Variants in AFF4 observed in about 807,000 individuals in gnomAD.
AFF4 encodes the protein ALF transcription elongation factor 4.
A neutral mutation model predicts 124.8 loss-of-function variants in AFF4; 13 were observed. That is an observed-to-expected ratio of 0.10 (90% CI 0.07 to 0.17). The LOEUF (loss-of-function observed/expected upper bound fraction) is 0.17. AFF4 is among the 10% of genes least tolerant of loss of function. The pLI is 1.00. For synonymous variants in AFF4, 477 were observed against 496.1 expected (o/e 0.96, Z 0.51); for missense variants, 1,092 against 1,403.8 (o/e 0.78, Z 3.55).
At chr5:132,955,508 G>C (rs926883416) in intron 1 of AFF4, among the ~76,000 whole-genome samples, 3 of 152,108 alleles carry the variant, frequency 2.0e-5, no homozygotes, top group Admixed American at 6.6e-5. Context: ...GTCAGGTGTA[G>C]CGACTTATGC....
At chr5:132,930,574 G>A (rs1176675295) in intron 4 of AFF4, among the ~76,000 whole-genome samples, 1 of 151,676 alleles carries the variant, frequency 6.6e-6, no homozygotes, top group Non-Finnish European at 1.5e-5. Context: ...AGAAAAGAGT[G>A]GAAGCAACCA....
intron 13 of AFF4, chr5:132,891,888 C>T: frequency 2.0e-6 from 1 of 502,274 alleles, no homozygotes; most frequent in East Asian, 2.9e-5. Context: ...CTCAAATGAT[C>T]CTTCCATCTT....
chr5:132,949,768 G>A (rs775402712), intron 1 of AFF4, among the ~76,000 whole-genome samples: 4 of 150,962 alleles, frequency 2.6e-5, no homozygotes, highest in South Asian at 2.1e-4. Context: ...AGGCTGAGGC[G>A]AGAGAATGGC....
rs1204231856 is a variant in AFF4 at position 132,954,546 on chromosome 5, C to CTTT, written c.-5+8710_-5+8712dup. Among the ~76,000 whole-genome samples, 81 of 122,130 alleles carry CTTT rather than the reference C, an allele frequency of 6.6e-4. 2 individuals are homozygous for CTTT. The highest frequency in any genetic ancestry group is 3.9e-3 in the East Asian group (16 of 4,098). The allele number at this position is 122,130 out of a possible 152,430, so 80.1% of individuals were successfully genotyped here. ...GAGGGTGTGTGTTACAAACAATGCT[C>CTTT]TTTTTTTTTTTTTTTTTTTGAGACG... On this transcript the variant is annotated intron_variant, in intron 1 of 20. Coordinates refer to ENST00000265343, the MANE Select transcript of AFF4 (RefSeq NM_014423.4).
chr5:132,956,033 C>T (rs1424119758), intron 1 of AFF4, among the ~76,000 whole-genome samples: 2 of 150,970 alleles, frequency 1.3e-5, no homozygotes, highest in East Asian at 1.9e-4. Context: ...GTATTATACT[C>T]ATATGTATTA....
chr5:132,937,300 C>T, intron 1 of AFF4, 107 bp from the exon 2 acceptor site: 3 of 1,342,910 alleles, frequency 2.2e-6, no homozygotes, highest in East Asian at 2.6e-5. Flanking sequence ...CCCTTTTGAC[C>T]TCCAAGTAAT....
intron 4 of AFF4, among the ~76,000 whole-genome samples, chr5:132,928,673 A>G (rs559843489): frequency 1.3e-5 from 2 of 152,326 alleles, no homozygotes; most frequent in African/African-American, 4.8e-5. Flanking sequence ...ATAAAATAGA[A>G]CACCAGACAT....
rs1340878863 is a variant in AFF4, at chr5:132,902,499, A to G, written c.1088-12T>C. 8.1e-6 allele frequency: 13 copies of G among 1,602,782 alleles called. No homozygotes were observed. Among genetic ancestry groups the G allele is most frequent in the Non-Finnish European group, 5.1e-6 (6 of 1,170,042 alleles). On this transcript the variant is annotated splice_polypyrimidine_tract_variant and intron_variant, in intron 6 of 20. Transcript: ENST00000265343. ...AGGATTATATCTTTCTGGAACAAAA[A>G]GAATGAAGTGAGCAACTAAAGGATG...
intron 2 of AFF4, among the ~76,000 whole-genome samples, chr5:132,936,585 TAAAG>T (rs892548627): frequency 3.3e-5 from 5 of 152,276 alleles, no homozygotes; most frequent in Admixed American, 1.3e-4. Context: ...ATATCACACT[TAAAG>T]AACACCTAGG....
chr5:132,921,148 T>C (rs1761035024), intron 5 of AFF4, among the ~76,000 whole-genome samples: 1 of 151,038 alleles, frequency 6.6e-6, no homozygotes. Context: ...AAAAAGAATC[T>C]TAGCCCATTT....
Position 132,934,718 on chromosome 5 carries a change from C to T in AFF4, c.347G>A (p.Ser116Asn). The change falls in exon 3 of 21, where the codon AGC (serine) becomes AAC (asparagine). Residue 116 changes from serine (S) to asparagine (N), a missense_variant. Transcript: ENST00000265343. ...GGACCGTTTCTGAGACTGAGAAGTGCTGGGTGCGGGTCCTACTGGAGTCCA... is the reference window on the plus strand; with the variant it reads ...GGACCGTTTCTGAGACTGAGAAGTGTTGGGTGCGGGTCCTACTGGAGTCCA... Reference protein sequence around the residue: ...SKWTPVGPAPSTSQSQKRSSG... With the variant: ...SKWTPVGPAPNTSQSQKRSSG... The T allele has an allele frequency of 6.2e-7, 1 of 1,614,116 alleles. No homozygotes were observed. Among genetic ancestry groups the T allele is most frequent in the African/African-American group, 1.3e-5 (1 of 75,014 alleles).
intron 5 of AFF4, among the ~76,000 whole-genome samples, chr5:132,924,774 G>A (rs1050588037): frequency 2.6e-5 from 4 of 152,122 alleles, no homozygotes; most frequent in Admixed American, 6.6e-5. Flanking sequence ...AAAATCGCTT[G>A]AACCCAGGAG....
chr5:132,956,890 G>A (rs1761972648), intron 1 of AFF4, among the ~76,000 whole-genome samples: 1 of 150,670 alleles, frequency 6.6e-6, no homozygotes, highest in South Asian at 2.1e-4. Context: ...CATGGTGGCA[G>A]GTGCCTGTAA....
At chr5:132,953,163 TAAA>T (rs112131226) in intron 1 of AFF4, among the ~76,000 whole-genome samples, 2 of 143,466 alleles carry the variant, frequency 1.4e-5, no homozygotes, top group Admixed American at 1.4e-4. Flanking sequence ...CTGTCTCTAC[TAAA>T]AAAAAAAAAA....
At chr5:132,919,116 C>T (rs906779029) in intron 5 of AFF4, among the ~76,000 whole-genome samples, 1 of 152,052 alleles carries the variant, frequency 6.6e-6, no homozygotes, top group Non-Finnish European at 1.5e-5. Flanking sequence ...TCAAACTCCT[C>T]CTTAGGTGAT....
intron 6 of AFF4, among the ~76,000 whole-genome samples, chr5:132,903,707 G>A (rs987747010): frequency 1.3e-5 from 2 of 152,124 alleles, no homozygotes; most frequent in Non-Finnish European, 2.9e-5. Context: ...GAAGAAAAGG[G>A]CCATGGTCAG....
intron 5 of AFF4, among the ~76,000 whole-genome samples, chr5:132,914,743 C>T (rs1760869787): frequency 6.6e-6 from 1 of 151,928 alleles, no homozygotes; most frequent in Non-Finnish European, 1.5e-5. Context: ...AGCCAGGACA[C>T]TCAAGAAAAA....
In AFF4 at chr5:132,963,351, C is replaced by A; in HGVS notation, c.-97G>T. ...CCTTCACCGGACGCGCATTCGAGCC[C>A]GCCCAGGGGGCGGTGACAGGCTGCC... is the stretch of plus-strand genomic sequence containing the variant. On this transcript the variant is annotated 5_prime_UTR_variant, in exon 1 of 21. Coordinates refer to ENST00000265343, the MANE Select transcript of AFF4 (RefSeq NM_014423.4). 2.5e-6 allele frequency: 1 copy of A among 397,276 alleles called. No homozygotes were observed. Among genetic ancestry groups the A allele is most frequent in the South Asian group, 1.3e-4 (1 of 7,818 alleles). The allele number at this position is 397,276 out of a possible 1,614,324, so 24.6% of individuals were successfully genotyped here. A position where few individuals can be genotyped will look rare whatever the true frequency, so the allele number is the denominator to read the frequency against.
chr5:132,943,431 T>G (rs1014041437), intron 1 of AFF4: 3 of 179,566 alleles, frequency 1.7e-5, no homozygotes, highest in African/African-American at 7.1e-5. Flanking sequence ...CAAATGCCAG[T>G]ATAAACACCC....
Sources: gnomAD v4.1 joint callset for allele counts (sites outside exome capture counted in the v4.1 genomes callset) on GRCh38, gnomAD v4.1.1 for gene constraint, MANE v1.5 for transcripts, NCBI Gene and HGNC (gene_info 2026-07-23, HGNC 2026-07-21) for gene names.